Variants in SUGCT observed in about 807,000 individuals in gnomAD.
The protein encoded by SUGCT is succinyl-CoA:glutarate-CoA transferase.
SUGCT carries 41 observed loss-of-function variants against 55.0 expected under a neutral mutation model. The observed-to-expected ratio is 0.74, with a 90% confidence interval of 0.58 to 0.97. SUGCT has a LOEUF of 0.97. SUGCT is among the 50% of genes least tolerant of loss of function. The pLI, the probability that SUGCT is intolerant of heterozygous loss-of-function variation, is 0.00. For missense variants in SUGCT, 568 were observed against 547.8 expected, an observed-to-expected ratio of 1.04 and a Z score of -0.37; for synonymous variants, 187 against 200.4, an observed-to-expected ratio of 0.93 and a Z score of 0.56.
chr7:40,944,583 A>G, the SUGCT span, among the ~76,000 whole-genome samples: 1 of 152,110 alleles, frequency 6.6e-6, no homozygotes, highest in Non-Finnish European at 1.5e-5. Flanking sequence ...CAAAGATCAG[A>G]TAGTTGTAGA....
intron 13 of SUGCT, among the ~76,000 whole-genome samples, chr7:40,756,998 G>C (rs1788284733): frequency 6.6e-6 from 1 of 152,124 alleles, no homozygotes; most frequent in South Asian, 2.1e-4. Context: ...ACTTCCCAAA[G>C]TCCTCAATTA....
At chr7:40,498,045 T>A (rs182701568) in intron 12 of SUGCT, among the ~76,000 whole-genome samples, 1 of 152,246 alleles carries the variant, frequency 6.6e-6, no homozygotes, top group East Asian at 1.9e-4. Flanking sequence ...ATTACTTTAA[T>A]CTTTGCATCT....
rs1784327053 is a variant in SUGCT, at chr7:40,372,183, G to T, written c.816+55328G>T. 2.6e-5 allele frequency among the ~76,000 whole-genome samples: 4 copies of T among 152,066 alleles called. No homozygotes were observed. In the South Asian group the frequency reaches 8.3e-4, roughly 32 times the overall value. Reference sequence around the variant, plus strand: ...TTCCAAGTCCAGTAATGGAATAAGAGTTGAAGAGCTGAAAGATTCACATGG... The same window carrying T: ...TTCCAAGTCCAGTAATGGAATAAGATTTGAAGAGCTGAAAGATTCACATGG... On this transcript the variant is annotated intron_variant, in intron 9 of 13. Transcript: ENST00000335693.
At chr7:40,832,553 G>GTTTTTTTTTTTTTTTTTTTTTT (rs1420713072) in intron 13 of SUGCT, among the ~76,000 whole-genome samples, 1 of 133,580 alleles carries the variant, frequency 7.5e-6, no homozygotes, top group Non-Finnish European at 1.6e-5. Context: ...GTTTTCCAGG[G>GTTTTTTTTTTTTTTTTTTTTTT]TTTTTTTTGT....
At chr7:40,804,199 A>C (rs1241610737) in intron 13 of SUGCT, among the ~76,000 whole-genome samples, 1 of 152,228 alleles carries the variant, frequency 6.6e-6, no homozygotes, top group Non-Finnish European at 1.5e-5. Context: ...CATCTTGTGC[A>C]TAAATATAAC....
chr7:40,488,299 A>G (rs568480194), intron 11 of SUGCT, among the ~76,000 whole-genome samples: 1 of 152,284 alleles, frequency 6.6e-6, no homozygotes, highest in South Asian at 2.1e-4. Context: ...AACAATAGTT[A>G]TAGCACATTA....
the SUGCT span, among the ~76,000 whole-genome samples, chr7:41,033,811 G>A: frequency 1.3e-5 from 2 of 151,990 alleles, no homozygotes; most frequent in African/African-American, 4.8e-5. Flanking sequence ...GTCTGAGGTG[G>A]CCCCATGTGC....
intron 12 of SUGCT, among the ~76,000 whole-genome samples, chr7:40,733,780 A>G (rs953628906): frequency 1.3e-5 from 2 of 152,218 alleles, no homozygotes; most frequent in Admixed American, 1.3e-4. Context: ...AGTAATCGGC[A>G]CATTTATCAA....
intron 9 of SUGCT, among the ~76,000 whole-genome samples, chr7:40,320,443 C>T (rs949572075): frequency 2.6e-5 from 4 of 152,144 alleles, no homozygotes; most frequent in African/African-American, 9.7e-5. Context: ...AACAATTATA[C>T]TTAAAGACAG....
At chr7:40,687,884 G>A (rs537419268) in intron 12 of SUGCT, among the ~76,000 whole-genome samples, 3 of 152,222 alleles carry the variant, frequency 2.0e-5, no homozygotes, top group African/African-American at 7.2e-5. Context: ...GCAGAGAGGC[G>A]GTGGCTATAC....
intron 13 of SUGCT, among the ~76,000 whole-genome samples, chr7:40,795,451 T>C (rs1790505040): frequency 6.6e-6 from 1 of 152,134 alleles, no homozygotes; most frequent in African/African-American, 2.4e-5. Context: ...AACAGCTAAA[T>C]AGGAATGTTC....
At position 40,161,754 on chromosome 7, in the gene SUGCT, T is replaced by C. The variant is rs550396137; in HGVS notation, c.101-19193T>C. On this transcript the variant is annotated intron_variant, in intron 1 of 13. Coordinates refer to ENST00000335693, the MANE Select transcript of SUGCT (RefSeq NM_001193313.2). ...ATCCTCTGGACAGCTAACTTCAGGA[T>C]GGCCCGTTAAAGAAGCCTGAACACC... 3.3e-5 allele frequency among the ~76,000 whole-genome samples: 5 copies of C among 152,356 alleles called. No individual in the cohort carries two copies. In the South Asian group the frequency reaches 1.0e-3, roughly 32 times the overall value.
the SUGCT span, chr7:40,967,073 C>G: frequency 6.6e-6 from 1 of 152,196 alleles, no homozygotes; most frequent in African/African-American, 2.4e-5. Context: ...TCATCCTTCT[C>G]TGAGTTCAAG....
chr7:40,855,211 A>C (rs1245869990), intron 13 of SUGCT, among the ~76,000 whole-genome samples: 1 of 151,432 alleles, frequency 6.6e-6, no homozygotes, highest in African/African-American at 2.4e-5. Flanking sequence ...TGACTCTTTT[A>C]ATCTGAAAAA....
At chr7:40,535,757 G>A (rs939841237) in intron 12 of SUGCT, among the ~76,000 whole-genome samples, 2 of 152,108 alleles carry the variant, frequency 1.3e-5, no homozygotes, top group Non-Finnish European at 2.9e-5. Flanking sequence ...GGCTGGCCTC[G>A]AACTCCTGAC....
intron 1 of SUGCT, among the ~76,000 whole-genome samples, chr7:40,150,084 C>A (rs1414799222): frequency 6.6e-6 from 1 of 152,096 alleles, no homozygotes. Context: ...AGAGTGAGAC[C>A]CTGCCTCAAA....
intron 8 of SUGCT, among the ~76,000 whole-genome samples, chr7:40,315,361 G>T (rs1795368934): frequency 1.3e-5 from 2 of 152,212 alleles, no homozygotes; most frequent in Admixed American, 1.3e-4. Flanking sequence ...ATGGTGATTA[G>T]CACTAGGCGG....
At chr7:41,027,363 G>T in the SUGCT span, among the ~76,000 whole-genome samples, 2 of 152,190 alleles carry the variant, frequency 1.3e-5, no homozygotes, top group African/African-American at 2.4e-5. Context: ...ATGGGTCAAG[G>T]GATGTGGTTG....
intron 9 of SUGCT, among the ~76,000 whole-genome samples, chr7:40,410,552 A>G (rs1263275936): frequency 3.3e-5 from 5 of 152,176 alleles, no homozygotes; most frequent in African/African-American, 7.2e-5. Flanking sequence ...TTTGGATATA[A>G]TTCTGAGATC....
Sources: allele counts gnomAD v4.1 joint callset (sites outside exome capture counted in the v4.1 genomes callset), GRCh38; gene constraint gnomAD v4.1.1; transcripts MANE v1.5; gene names NCBI Gene and HGNC (gene_info 2026-07-23, HGNC 2026-07-21).